The following DEPDC5 variants were observed in gnomAD, a reference collection of about 807,000 sequenced individuals.
The protein encoded by DEPDC5 is DEP domain containing 5, GATOR1 subcomplex subunit, also known as GATOR1 complex protein DEPDC5.
A neutral mutation model predicts 217.3 loss-of-function variants in DEPDC5; 73 were observed. The ratio of observed to expected loss-of-function variants is 0.34; its 90% CI spans 0.28 to 0.41. The LOEUF is 0.41. Ranked by LOEUF, DEPDC5 falls within the 10% of genes least tolerant of loss-of-function variation. The pLI is 1.00. For synonymous variants in DEPDC5, 733 were observed against 756.7 expected (o/e 0.97, Z 0.51); for missense variants, 1,675 against 2,070.1 (o/e 0.81, Z 3.70).
chr22:31,767,041 G>A (rs1348749528), intron 6 of DEPDC5, among the ~76,000 whole-genome samples: 2 of 152,112 alleles, frequency 1.3e-5, no homozygotes, highest in African/African-American at 4.8e-5. Context: ...AATTGCCCAA[G>A]GCTAGATAGT....
chr22:31,833,738 AGATT>A (rs753320835), intron 24 of DEPDC5, 173 bp from the exon 25 acceptor site: 122 of 489,800 alleles, frequency 2.5e-4, no homozygotes, highest in Non-Finnish European at 3.8e-4. Flanking sequence ...TCCCAATTTT[AGATT>A]GATCATTTTT....
At chr22:31,882,258 A>C (rs2093196458) in intron 38 of DEPDC5, among the ~76,000 whole-genome samples, 2 of 152,186 alleles carry the variant, frequency 1.3e-5, no homozygotes, top group Admixed American at 1.3e-4. Context: ...AAGAATTTTC[A>C]TCTCTGCGGA....
At chr22:31,864,785 T>C (rs1468275264) in intron 33 of DEPDC5, among the ~76,000 whole-genome samples, 3 of 151,340 alleles carry the variant, frequency 2.0e-5, no homozygotes, top group African/African-American at 7.3e-5. Context: ...GCCTCCTGGG[T>C]TCAAGTGATT....
At chr22:31,843,519 G>T in intron 28 of DEPDC5, 126 bp from the exon 29 acceptor site, 1 of 1,143,932 alleles carries the variant, frequency 8.7e-7, no homozygotes, top group Non-Finnish European at 1.2e-6. Flanking sequence ...CCTGGGATAA[G>T]TTGGTTACTA....
chr22:31,826,904 T>G (rs1045130458), intron 24 of DEPDC5, among the ~76,000 whole-genome samples: 2 of 151,926 alleles, frequency 1.3e-5, no homozygotes, highest in African/African-American at 2.4e-5. Flanking sequence ...ATAGTTTTTT[T>G]TTTTTTTTTT....
At position 31,792,833 on chromosome 22, in the gene DEPDC5, T is replaced by G. The variant is rs2085832239; in HGVS notation, c.767+16T>G. 6.7e-7 allele frequency: 1 copy of G among 1,492,416 alleles called. No homozygotes were observed. The highest frequency in any genetic ancestry group is 8.9e-7 in the Non-Finnish European group (1 of 1,128,086). 92.4% of individuals were successfully genotyped at this position (1,492,416 alleles called of 1,614,324 possible). On this transcript the variant is annotated intron_variant, in intron 12 of 42. Coordinates refer to ENST00000651528, the MANE Select transcript of DEPDC5 (RefSeq NM_001242896.3). ...ACTTTTACAAGTATGTTTGGGTGCT[T>G]TGCTATACTTTTTATTTATTTATTA...
intron 10 of DEPDC5, among the ~76,000 whole-genome samples, chr22:31,790,376 A>G (rs935738198): frequency 3.9e-5 from 6 of 152,204 alleles, no homozygotes; most frequent in Non-Finnish European, 7.3e-5. Flanking sequence ...GTTGCAAGCC[A>G]CTTTTGATGT....
In DEPDC5 at chr22:31,815,163, C is replaced by T. The variant is rs2088924753; in HGVS notation, c.1617C>T (p.His539=). ...SANILMIPHP[H]LHQYEVSSSL... is the part of the protein sequence containing the mutation. Reference sequence around the variant, plus strand: ...ACATCCTGATGATCCCACACCCCCACCTGCACCAGTATGAAGTCAGCAGCT... The same window carrying T: ...ACATCCTGATGATCCCACACCCCCATCTGCACCAGTATGAAGTCAGCAGCT... The change falls in exon 21 of 43, where the codon CAC becomes CAT. Residue 539 remains histidine (H), a synonymous_variant. Transcript: ENST00000651528. The T allele has an allele frequency of 6.2e-7, 1 of 1,614,088 alleles. No individual in the cohort carries two copies. Among genetic ancestry groups the T allele is most frequent in the African/African-American group, 1.3e-5 (1 of 74,932 alleles).
intron 14 of DEPDC5, among the ~76,000 whole-genome samples, chr22:31,802,124 ATT>A (rs761007210): frequency 1.6e-5 from 2 of 126,896 alleles, no homozygotes; most frequent in Non-Finnish European, 3.3e-5. Flanking sequence ...AACAGCATGA[ATT>A]TTTTTTTTTT....
chr22:31,784,324 C>A, intron 9 of DEPDC5: 1 of 215,656 alleles, frequency 4.6e-6, no homozygotes. Flanking sequence ...CTTTTATGAT[C>A]TTGTTTTAAG....
At chr22:31,860,886 C>T (rs1359082295) in intron 32 of DEPDC5, among the ~76,000 whole-genome samples, 1 of 152,188 alleles carries the variant, frequency 6.6e-6, no homozygotes, top group East Asian at 1.9e-4. Flanking sequence ...GTCACCCAGC[C>T]AGGTGGGAGG....
At chr22:31,789,377 G>C (rs1448769116) in intron 10 of DEPDC5, among the ~76,000 whole-genome samples, 2 of 152,216 alleles carry the variant, frequency 1.3e-5, no homozygotes, top group Non-Finnish European at 2.9e-5. Flanking sequence ...AGAGAAGCCA[G>C]ACATAGTGGA....
rs1460821020 is a variant in DEPDC5 at position 31,893,603 on chromosome 22, G to A, written c.4055G>A (p.Arg1352Lys). The A allele has an allele frequency of 2.5e-6, 4 of 1,611,396 alleles. No individual in the cohort carries two copies. The highest frequency in any genetic ancestry group is 3.4e-6 in the Non-Finnish European group (4 of 1,178,916). Residue 1352 changes from arginine (R) to lysine (K), a missense_variant, in exon 39 of 43, where the codon AGG becomes AAG. Coordinates refer to ENST00000651528, the MANE Select transcript of DEPDC5 (RefSeq NM_001242896.3). ...ALLAATVPEQ[R>K]TVTLDVDVNN... ...ATAGCTGCCACTGTCCCAGAGCAGAGGACTGTGACCCTGGATGTTGACGTG... is the reference window on the plus strand; with the variant it reads ...ATAGCTGCCACTGTCCCAGAGCAGAAGACTGTGACCCTGGATGTTGACGTG...
At chr22:31,844,144 T>C (rs1293122001) in intron 29 of DEPDC5, among the ~76,000 whole-genome samples, 1 of 152,126 alleles carries the variant, frequency 6.6e-6, no homozygotes, top group Admixed American at 6.5e-5. Flanking sequence ...GAGAATCGCT[T>C]GAACCCAGGA....
chr22:31,825,915 C>T (rs1359231623), intron 24 of DEPDC5, among the ~76,000 whole-genome samples: 1 of 152,144 alleles, frequency 6.6e-6, no homozygotes, highest in Non-Finnish European at 1.5e-5. Context: ...GGACATGAGG[C>T]CTGACTCCAC....
At chr22:31,786,002 C>T (rs9621337) in intron 10 of DEPDC5, among the ~76,000 whole-genome samples, 1,805 of 152,216 alleles carry the variant, frequency 0.012, 40 homozygotes, top group African/African-American at 0.04. Context: ...TGCGGTGGCT[C>T]ATACCTGTAA....
intron 27 of DEPDC5, among the ~76,000 whole-genome samples, chr22:31,841,679 C>A (rs924409634): frequency 6.6e-6 from 1 of 152,156 alleles, no homozygotes; most frequent in Non-Finnish European, 1.5e-5. Context: ...TCTATGCAAA[C>A]GTCTGTTTGG....
At position 31,802,810 on chromosome 22, in the gene DEPDC5, C is replaced by T. The variant is rs1455904203; in HGVS notation, c.1053C>T (p.Ile351=). ...GVFEVDRLLM[I]LTKQRMIDNG... is the part of the protein sequence containing the mutation. ...TTGAAGTGGACCGCCTACTCATGAT[C>T]CTGACCAAGCAGCGGATGATAGATA... Residue 351 remains isoleucine, a synonymous_variant, in exon 15 of 43, where the codon ATC becomes ATT. Transcript: ENST00000651528. The T allele has an allele frequency of 6.2e-7, 1 of 1,605,914 alleles. No individual in the cohort carries two copies. Among genetic ancestry groups the T allele is most frequent in the Non-Finnish European group, 8.5e-7 (1 of 1,176,660 alleles).
At chr22:31,891,376 C>G in intron 38 of DEPDC5, 1 of 297,548 alleles carries the variant, frequency 3.4e-6, no homozygotes. Context: ...CTCTTTCAGG[C>G]GTTCTCTTAC....
Sources: gnomAD v4.1 joint callset for allele counts (sites outside exome capture counted in the v4.1 genomes callset) on GRCh38, gnomAD v4.1.1 for gene constraint, MANE v1.5 for transcripts, NCBI Gene and HGNC (gene_info 2026-07-23, HGNC 2026-07-21) for gene names.